Variants in PCDHGA4 observed in about 807,000 individuals in gnomAD.
The protein encoded by PCDHGA4 is protocadherin gamma-A4.
In PCDHGA4, 38 loss-of-function variants were observed where a neutral mutation model predicts 54.6. The observed-to-expected ratio is 0.70, with a 90% CI of 0.54 to 0.91. PCDHGA4 has a LOEUF of 0.91. PCDHGA4 is among the 40% of genes least tolerant of loss of function. PCDHGA4 has a pLI of 0.00. For missense variants in PCDHGA4, 1,298 were observed against 1,220.9 expected (o/e 1.06, Z -0.94); for synonymous variants, 511 against 512.9 (o/e 1.00, Z 0.05).
chr5:141,423,940 G>A (rs937456850), intron 1 of PCDHGA4: 1 of 1,217,098 alleles, frequency 8.2e-7, no homozygotes, highest in Non-Finnish European at 1.0e-6. Flanking sequence ...TTTGAAGTAA[G>A]TTGAATTTTA....
intron 3 of PCDHGA4, among the ~76,000 whole-genome samples, chr5:141,507,784 T>C (rs2099863290): frequency 6.6e-6 from 1 of 152,136 alleles, no homozygotes; most frequent in Non-Finnish European, 1.5e-5. Context: ...GGCCTGACCC[T>C]CGTCTAAGCC....
intron 1 of PCDHGA4, chr5:141,396,761 A>G (rs2093430785): frequency 6.6e-6 from 1 of 152,352 alleles, no homozygotes; most frequent in African/African-American, 2.4e-5. Context: ...GACCCAATAA[A>G]TGTTTGTTAT....
At chr5:141,407,812 T>C (rs1191426791) in intron 1 of PCDHGA4, among the ~76,000 whole-genome samples, 1 of 152,226 alleles carries the variant, frequency 6.6e-6, no homozygotes, top group Non-Finnish European at 1.5e-5. Context: ...AAATATCTAC[T>C]ATAATATTAT....
chr5:141,361,719 C>G, intron 1 of PCDHGA4: 1 of 1,613,364 alleles, frequency 6.2e-7, no homozygotes. Flanking sequence ...TGCGCGCCTT[C>G]GAGCTCACAC....
intron 1 of PCDHGA4, chr5:141,421,009 T>G (rs948913987): frequency 1.9e-6 from 1 of 515,496 alleles, no homozygotes. Context: ...AATCAGGGAA[T>G]GGGAAGCTGC....
chr5:141,419,715 T>A, intron 1 of PCDHGA4: 5 of 1,613,288 alleles, frequency 3.1e-6, no homozygotes, highest in Non-Finnish European at 4.2e-6. Context: ...CTCTTCAGCC[T>A]GGGGCTGCGA....
intron 1 of PCDHGA4, among the ~76,000 whole-genome samples, chr5:141,380,254 G>T (rs572849105): frequency 6.6e-6 from 1 of 152,270 alleles, no homozygotes; most frequent in Non-Finnish European, 1.5e-5. Flanking sequence ...TGTCAAAGGG[G>T]AAGGAGTAAA....
At chr5:141,434,323 T>G (rs578049856) in intron 1 of PCDHGA4, among the ~76,000 whole-genome samples, 1 of 152,358 alleles carries the variant, frequency 6.6e-6, no homozygotes, top group South Asian at 2.1e-4. Flanking sequence ...CTCTTGCTGC[T>G]TGTCTCTTTG....
intron 1 of PCDHGA4, chr5:141,387,672 C>T (rs1222648666): frequency 5.7e-6 from 4 of 707,372 alleles, no homozygotes; most frequent in Non-Finnish European, 9.1e-6. Flanking sequence ...CTCCAGATCT[C>T]CTCGCGCAGC....
At chr5:141,364,925 C>T in intron 1 of PCDHGA4, 2 of 1,613,910 alleles carry the variant, frequency 1.2e-6, no homozygotes, top group Non-Finnish European at 8.5e-7. Flanking sequence ...GTTGGAACAG[C>T]CCCTAGACCG....
At chr5:141,394,338 T>C in intron 1 of PCDHGA4, 2 of 1,614,048 alleles carry the variant, frequency 1.2e-6, no homozygotes, top group Non-Finnish European at 1.7e-6. Flanking sequence ...CTCCATCAAC[T>C]CTGACACCGG....
chr5:141,463,438 CTTTTTTTTTTT>C (rs71576115), intron 1 of PCDHGA4, among the ~76,000 whole-genome samples: 7 of 103,256 alleles, frequency 6.8e-5, no homozygotes, highest in African/African-American at 1.8e-4. Flanking sequence ...TTTCCTTCTC[CTTTTTTTTTTT>C]TTTTTTTTTT....
chr5:141,449,630 T>G (rs1006977026), intron 1 of PCDHGA4, among the ~76,000 whole-genome samples: 2 of 150,024 alleles, frequency 1.3e-5, no homozygotes, highest in Non-Finnish European at 3.0e-5. Flanking sequence ...TTTAAAAAGA[T>G]GTATCTATAT....
chr5:141,431,222 C>T lies in PCDHGA4; in HGVS notation c.2515-63585C>T. On this transcript the variant is annotated intron_variant, in intron 1 of 3. Transcript: ENST00000571252. The surrounding 1 kb of genome is among the most constrained non-coding windows in gnomAD (Gnocchi z 4.8). ...AGCCACTGAGATGCGGTTCCCTCTA[C>T]CCCACGCCTGGGATCCGGATATCGG... The T allele has an allele frequency of 6.2e-7, 1 of 1,614,170 alleles. No individual in the cohort carries two copies. Among genetic ancestry groups the T allele is most frequent in the South Asian group, 1.1e-5 (1 of 91,090 alleles).
chr5:141,484,940 G>C, intron 1 of PCDHGA4: 1 of 541,138 alleles, frequency 1.8e-6, no homozygotes, highest in Non-Finnish European at 3.3e-6. Flanking sequence ...GACGTTCTCT[G>C]CTCAGCCTAT....
rs1368226100 is a variant in PCDHGA4, at chr5:141,511,268, C to T, written c.*95C>T. The stretch of plus-strand genomic sequence containing the variant: ...CAGGCCTCAGAGTTTCAGGGCTAAC[C>T]CCCAGAATACTGGTAGGGGCCAAGG... On this transcript the variant is annotated 3_prime_UTR_variant, in exon 4 of 4. Coordinates refer to ENST00000571252, the MANE Select transcript of PCDHGA4 (RefSeq NM_018917.4). 1.9e-6 allele frequency: 3 copies of T among 1,546,408 alleles called. No individual in the cohort carries two copies. The highest frequency in any genetic ancestry group is 2.4e-5 in the East Asian group (1 of 41,246).
intron 1 of PCDHGA4, chr5:141,359,980 T>G: frequency 1.2e-6 from 1 of 851,316 alleles, no homozygotes; most frequent in Non-Finnish European, 1.7e-6. Flanking sequence ...GGGAGCCTCT[T>G]AGAGGGGAAC....
At chr5:141,377,750 G>A (rs532331824) in intron 1 of PCDHGA4, 1 of 152,230 alleles carries the variant, frequency 6.6e-6, no homozygotes, top group South Asian at 2.1e-4. Context: ...ACTGCAGCAG[G>A]GGACACCAGA....
At chr5:141,366,570 G>C (rs373636717) in intron 1 of PCDHGA4, 3 of 1,614,218 alleles carry the variant, frequency 1.9e-6, no homozygotes, top group Admixed American at 3.3e-5. Context: ...GATGGGGTTC[G>C]GGCTTTCCTG....
Sources: allele counts gnomAD v4.1 joint callset (sites outside exome capture counted in the v4.1 genomes callset), GRCh38; gene constraint gnomAD v4.1.1; non-coding constraint Gnocchi (gnomAD v3.1); transcripts MANE v1.5; gene names NCBI Gene and HGNC (gene_info 2026-07-23, HGNC 2026-07-21).